The following GABRG3 variants were observed in gnomAD, a reference collection of about 807,000 sequenced individuals.
GABRG3 encodes gamma-aminobutyric acid receptor subunit gamma-3.
Under a neutral mutation model 48.8 loss-of-function variants are expected in GABRG3, and 25 were observed. The ratio of observed to expected loss-of-function variants is 0.51; its 90% CI spans 0.37 to 0.72. The LOEUF (loss-of-function observed/expected upper bound fraction) is 0.72. GABRG3 is among the 30% of genes least tolerant of loss of function. The pLI is 0.00. For synonymous variants in GABRG3, 227 were observed against 217.6 expected, an observed-to-expected ratio of 1.04 and a Z score of -0.38; for missense variants, 394 against 577.9, an observed-to-expected ratio of 0.68 and a Z score of 3.26.
At chr15:27,170,557 G>A (rs1887532786) in intron 3 of GABRG3, among the ~76,000 whole-genome samples, 2 of 151,968 alleles carry the variant, frequency 1.3e-5, no homozygotes, top group Admixed American at 6.6e-5. Flanking sequence ...AAAAACAGAT[G>A]GAACAAAGAG....
intron 3 of GABRG3, among the ~76,000 whole-genome samples, chr15:27,306,437 C>T (rs111067669): frequency 0.083 from 11,386 of 137,292 alleles, 1,893 homozygotes; most frequent in African/African-American, 0.28. Flanking sequence ...ACATATAATA[C>T]GAACATATGT....
In GABRG3 at chr15:27,145,610, T is replaced by TATCTATCTATCTATC. The variant is rs1555405995; in HGVS notation, c.270+118790_270+118804dup. Among the ~76,000 whole-genome samples, 986 of 135,142 alleles carry TATCTATCTATCTATC rather than the reference T, an allele frequency of 7.3e-3. 12 individuals are homozygous for TATCTATCTATCTATC. The highest frequency in any genetic ancestry group is 0.019 in the Middle Eastern group (5 of 264). 88.7% of individuals were successfully genotyped at this position (135,142 alleles called of 152,430 possible). Reference sequence around the variant, plus strand: ...ATATATACATATATCTATCTCTATCTATCTATCTATCTATCTATCTATCTA... The same window carrying TATCTATCTATCTATC: ...ATATATACATATATCTATCTCTATCTATCTATCTATCTATCATCTATCTATCTATCTATCTATCTA... On this transcript the variant is annotated intron_variant, in intron 3 of 9. Coordinates refer to ENST00000615808, the MANE Select transcript of GABRG3 (RefSeq NM_033223.5).
At chr15:27,317,286 T>A (rs1893264386) in intron 3 of GABRG3, among the ~76,000 whole-genome samples, 1 of 152,170 alleles carries the variant, frequency 6.6e-6, no homozygotes, top group Non-Finnish European at 1.5e-5. Flanking sequence ...GAGCTGACAC[T>A]ACCCCCCAAT....
At chr15:27,394,391 A>C (rs932042028) in intron 5 of GABRG3, among the ~76,000 whole-genome samples, 6 of 152,086 alleles carry the variant, frequency 3.9e-5, no homozygotes, top group Non-Finnish European at 2.9e-5. Flanking sequence ...TTATCATATA[A>C]ATTACATATT....
chr15:27,214,123 C>T (rs1889162601), intron 3 of GABRG3, among the ~76,000 whole-genome samples: 1 of 152,186 alleles, frequency 6.6e-6, no homozygotes, highest in Admixed American at 6.5e-5. Flanking sequence ...TCGGAGCCAA[C>T]TTACCTCTGA....
At chr15:27,029,568 A>C (rs12050529) in intron 3 of GABRG3, among the ~76,000 whole-genome samples, 24,224 of 152,080 alleles carry the variant, frequency 0.16, 2,335 homozygotes, top group East Asian at 0.37. Context: ...ACGCACATTT[A>C]TATGTTTAAT....
intron 3 of GABRG3, among the ~76,000 whole-genome samples, chr15:27,063,288 G>A (rs1289368645): frequency 6.6e-6 from 1 of 152,196 alleles, no homozygotes; most frequent in African/African-American, 2.4e-5. Flanking sequence ...CAGATCTGCA[G>A]GTGTCTTTGG....
Position 27,538,432 on chromosome 15 carries a change from C to T in GABRG3, c.*5551C>T, listed in dbSNP as rs1044259621. ...ACACACACACCACTTCCAAAACAGA[C>T]ATGATTTGAATGTAGCATTCAGGTT... is the stretch of plus-strand genomic sequence containing the variant. On this transcript the variant is annotated 3_prime_UTR_variant, in exon 10 of 10. Coordinates refer to ENST00000615808, the MANE Select transcript of GABRG3 (RefSeq NM_033223.5). 2.0e-5 allele frequency: 3 copies of T among 152,202 alleles called. No homozygotes were observed. Among genetic ancestry groups the T allele is most frequent in the African/African-American group, 4.8e-5 (2 of 41,460 alleles). The allele number at this position is 152,202 out of a possible 1,614,324, so 9.4% of individuals were successfully genotyped here.
chr15:27,131,400 C>G (rs1897914187), intron 3 of GABRG3, among the ~76,000 whole-genome samples: 1 of 151,840 alleles, frequency 6.6e-6, no homozygotes. Flanking sequence ...TTTTCATGCT[C>G]TATGGTCCTT....
chr15:27,296,810 T>C (rs1443863814), intron 3 of GABRG3, among the ~76,000 whole-genome samples: 1 of 151,960 alleles, frequency 6.6e-6, no homozygotes, highest in East Asian at 1.9e-4. Context: ...TTTGCTTTAC[T>C]ATACTTTTTA....
At position 27,519,084 on chromosome 15, in the gene GABRG3, G is replaced by A. The variant is rs1002903987; in HGVS notation, c.713-888G>A. 3.3e-5 allele frequency among the ~76,000 whole-genome samples: 5 copies of A among 152,234 alleles called. No individual in the cohort carries two copies. The East Asian group carries it at 5.8e-4, about 18-fold the overall frequency. ...CTGAAAGAAGAGGAGGTATTGGCAC[G>A]GGGAAGGTGATAGTTCAGTTCTGGA... On this transcript the variant is annotated intron_variant, in intron 6 of 9. Coordinates refer to ENST00000615808, the MANE Select transcript of GABRG3 (RefSeq NM_033223.5).
At chr15:26,991,057 C>T (rs1895239444) in intron 2 of GABRG3, among the ~76,000 whole-genome samples, 1 of 152,112 alleles carries the variant, frequency 6.6e-6, no homozygotes, top group South Asian at 2.1e-4. Context: ...CTCGCCTTGG[C>T]CTCCCAAAGT....
In GABRG3 at chr15:27,326,907, G is replaced by C; in HGVS notation, c.369G>C (p.Val123=). ...TTCTTACTCTGAACAGCAACATGGT[G>C]GGGTTAATCTGGATCCCAGACACCA... The part of the protein sequence containing the change: ...MKILTLNSNM[V]GLIWIPDTIF... The change falls in exon 4 of 10, where the codon GTG becomes GTC. Residue 123 remains valine (V), a synonymous_variant. Transcript: ENST00000615808. 1.2e-6 allele frequency: 2 copies of C among 1,613,936 alleles called. No individual in the cohort carries two copies. Among genetic ancestry groups the C allele is most frequent in the Middle Eastern group, 1.7e-4 (1 of 6,060 alleles).
chr15:27,052,117 C>T (rs1689768411), intron 3 of GABRG3, among the ~76,000 whole-genome samples: 1 of 152,186 alleles, frequency 6.6e-6, no homozygotes, highest in Non-Finnish European at 1.5e-5. Flanking sequence ...TGGACTGATA[C>T]CCGGCCACAG....
At chr15:27,233,999 A>G (rs1889881630) in intron 3 of GABRG3, among the ~76,000 whole-genome samples, 1 of 152,220 alleles carries the variant, frequency 6.6e-6, no homozygotes, top group African/African-American at 2.4e-5. Context: ...TCTCTAATTC[A>G]GACAATCACC....
At chr15:27,520,377 C>G (rs1270787695) in intron 7 of GABRG3, among the ~76,000 whole-genome samples, 1 of 151,876 alleles carries the variant, frequency 6.6e-6, no homozygotes, top group Non-Finnish European at 1.5e-5. Flanking sequence ...TATCCTGTAT[C>G]ACAGGCTGAT....
In GABRG3 at chr15:27,299,827, C is replaced by T. The variant is rs1336977440; in HGVS notation, c.271-26982C>T. ...TGACAGAGAGGGGGTAACCAGAGCC[C>T]CAAGTTTCTAGCCAGAGGCCCAAAA... On this transcript the variant is annotated intron_variant, in intron 3 of 9. Coordinates refer to ENST00000615808, the MANE Select transcript of GABRG3 (RefSeq NM_033223.5). Among the ~76,000 whole-genome samples the T allele has an allele frequency of 3.3e-5, 5 of 152,140 alleles. No homozygotes were observed. In the East Asian group the frequency reaches 9.7e-4, roughly 29 times the overall value.
At chr15:27,304,989 C>T (rs916020820) in intron 3 of GABRG3, among the ~76,000 whole-genome samples, 5 of 151,834 alleles carry the variant, frequency 3.3e-5, no homozygotes, top group Non-Finnish European at 4.4e-5. Context: ...TTAGAATTTT[C>T]GTAAAGCCTA....
intron 3 of GABRG3, among the ~76,000 whole-genome samples, chr15:27,307,926 T>C (rs1214770779): frequency 7.4e-6 from 1 of 135,990 alleles, no homozygotes; most frequent in African/African-American, 2.6e-5. Context: ...TATATAAACA[T>C]ATGCTTGTAT....
Sources: allele counts gnomAD v4.1 joint callset (sites outside exome capture counted in the v4.1 genomes callset), GRCh38; gene constraint gnomAD v4.1.1; transcripts MANE v1.5; gene names NCBI Gene and HGNC (gene_info 2026-07-23, HGNC 2026-07-21).